COL15A1: variants seen among roughly 807,000 people sequenced by gnomAD.
COL15A1 encodes the protein collagen alpha-1(XV) chain.
In COL15A1, 111 loss-of-function variants were observed where a neutral mutation model predicts 165.9. The observed-to-expected ratio is 0.67, with a 90% CI of 0.57 to 0.78. The LOEUF is 0.78. COL15A1 is among the 30% of genes least tolerant of loss of function. The pLI is 0.00. For missense variants in COL15A1, 1,745 were observed against 1,789.7 expected (o/e 0.98, Z 0.45); for synonymous variants, 659 against 674.8 (o/e 0.98, Z 0.36).
At chr9:99,024,757 A>G in intron 14 of COL15A1, 117 bp from the exon 15 acceptor site, 1 of 1,242,760 alleles carries the variant, frequency 8.0e-7, no homozygotes. Flanking sequence ...GCTAAGTGGG[A>G]TCACCAAACC....
intron 1 of COL15A1, 42 bp from the exon 2 acceptor site, chr9:98,944,120 T>A: frequency 1.2e-6 from 2 of 1,614,030 alleles, no homozygotes; most frequent in Admixed American, 3.3e-5. Flanking sequence ...CCTCCAATAC[T>A]CTTGCCCGCC....
At position 99,015,983 on chromosome 9, in the gene COL15A1, G is replaced by T. The variant is rs2297603; in HGVS notation, c.1511G>T (p.Gly504Val). The T allele has an allele frequency of 0.1, 164,929 of 1,613,142 alleles. 9,533 individuals carry two copies. Among genetic ancestry groups the T allele is most frequent in the East Asian group, 0.19 (8,323 of 44,844 alleles). ...APERAVTSGP[G>V]DEEDLAAATT... ...TGCTGGTTTTGTTTTCAGGGTCCTG[G>T]TGATGAAGAAGACTTGGCAGCAGCC... The change falls in exon 11 of 42, where the codon GGT becomes GTT. Residue 504 changes from glycine (G) to valine (V), a missense_variant. By Grantham distance (109) the Gly-to-Val change is moderately radical (BLOSUM62 -3). Coordinates refer to ENST00000375001, the MANE Select transcript of COL15A1 (RefSeq NM_001855.5).
At chr9:98,970,037 G>A (rs1838020698) in intron 2 of COL15A1, among the ~76,000 whole-genome samples, 1 of 124,694 alleles carries the variant, frequency 8.0e-6, no homozygotes, top group South Asian at 2.6e-4. Flanking sequence ...AAGAGCATTA[G>A]TAGTTTAAAA....
intron 9 of COL15A1, among the ~76,000 whole-genome samples, chr9:99,008,649 T>C (rs1298961792): frequency 6.6e-6 from 1 of 152,194 alleles, no homozygotes; most frequent in African/African-American, 2.4e-5. Context: ...CTCTCTTGTC[T>C]CCCAGGCTGG....
At chr9:99,022,177 A>G in intron 13 of COL15A1, 27 bp downstream of exon 13, 1 of 1,614,062 alleles carries the variant, frequency 6.2e-7, no homozygotes, top group Non-Finnish European at 8.5e-7. Flanking sequence ...GGCTTGTCAC[A>G]CACACAGGTG....
intron 4 of COL15A1, among the ~76,000 whole-genome samples, chr9:98,988,155 TC>T (rs1477251401): frequency 6.6e-6 from 1 of 152,166 alleles, no homozygotes; most frequent in African/African-American, 2.4e-5. Context: ...GGCATCAACG[TC>T]ACAACAGAAC....
Position 99,027,043 on chromosome 9 carries a change from C to T in COL15A1, c.2043+1077C>T, listed in dbSNP as rs570722466. On this transcript the variant is annotated intron_variant, in intron 16 of 41. Coordinates refer to ENST00000375001, the MANE Select transcript of COL15A1 (RefSeq NM_001855.5). ...CTTCATTCTCTGTCTGTAAGCTGGT[C>T]CTGCCTCCTGTCTGCAAGCCTGTGC... Among the ~76,000 whole-genome samples the T allele has an allele frequency of 4.6e-5, 7 of 152,304 alleles. No homozygotes were observed. The South Asian group carries it at 8.3e-4, about 18-fold the overall frequency.
chr9:98,999,206 G>C lies in COL15A1; in HGVS notation c.953-1633G>C, dbSNP rs113267271. 2.0e-4 allele frequency among the ~76,000 whole-genome samples: 31 copies of C among 152,366 alleles called. 1 individual carries two copies. The highest frequency in any genetic ancestry group is 7.0e-4 in the African/African-American group (29 of 41,580). ...ACCATGGGACCTGCGTGAGCACAGC[G>C]TGTGTGGGAAGGGCCTGGCCCGGGG... On this transcript the variant is annotated intron_variant, in intron 6 of 41. Transcript: ENST00000375001.
At chr9:99,066,280 A>G (rs1588541951) in intron 39 of COL15A1, among the ~76,000 whole-genome samples, 1 of 152,238 alleles carries the variant, frequency 6.6e-6, no homozygotes, top group African/African-American at 2.4e-5. Flanking sequence ...CTGCTGACCA[A>G]GATAGCAGGG....
At chr9:99,038,114 A>G (rs1839335239) in intron 21 of COL15A1, among the ~76,000 whole-genome samples, 1 of 152,086 alleles carries the variant, frequency 6.6e-6, no homozygotes, top group East Asian at 1.9e-4. Context: ...GTTAGAAGAA[A>G]AAAAAAACAC....
intron 31 of COL15A1, among the ~76,000 whole-genome samples, chr9:99,053,335 C>A (rs1021737824): frequency 2.0e-5 from 3 of 152,240 alleles, no homozygotes. Context: ...CCAAGCCCAG[C>A]CTGTTTGCAA....
At chr9:98,950,880 G>C (rs1837676095) in intron 2 of COL15A1, among the ~76,000 whole-genome samples, 1 of 152,172 alleles carries the variant, frequency 6.6e-6, no homozygotes, top group Admixed American at 6.5e-5. Context: ...TGGGATTACA[G>C]GCGTGAGCCA....
At chr9:98,966,317 AG>A (rs1217083380) in intron 2 of COL15A1, among the ~76,000 whole-genome samples, 3 of 152,178 alleles carry the variant, frequency 2.0e-5, no homozygotes, top group African/African-American at 7.2e-5. Context: ...CCTATCATTC[AG>A]TGCTCCTCCC....
In COL15A1 at chr9:99,062,010, G is replaced by A. The variant is rs375797316; in HGVS notation, c.3442G>A (p.Ala1148Thr). 6.2e-6 allele frequency: 10 copies of A among 1,613,850 alleles called. No homozygotes were observed. In the African/African-American group the frequency reaches 1.3e-4, roughly 22 times the overall value. The change falls in exon 37 of 42, where the codon GCG (alanine) becomes ACG (threonine). Residue 1148 changes from alanine (A) to threonine (T), a missense_variant. Transcript: ENST00000375001. Reference protein sequence around the residue: ...FSNMDDMLQKAHLVIEGTFIY... With the variant: ...FSNMDDMLQKTHLVIEGTFIY... The stretch of plus-strand genomic sequence containing the variant: ...CAACATGGATGACATGCTGCAGAAA[G>A]CGCATTTGGTTATAGAAGGAACATT...
intron 23 of COL15A1, 37 bp downstream of exon 23, chr9:99,040,593 G>C: frequency 1.2e-6 from 2 of 1,614,152 alleles, no homozygotes; most frequent in Non-Finnish European, 1.7e-6. Context: ...TCTGTGCCCC[G>C]TGGCTGCGAT....
In COL15A1 at chr9:99,023,371, A is replaced by G. The variant is rs34844374; in HGVS notation, c.1776A>G (p.Ala592=). Reference sequence around the variant, plus strand: ...TCTCTTTCCAGGCAGGAGCAGAAGCAGAGGGCTCTGGCCTAGGCTGGGGCT... The same window carrying G: ...TCTCTTTCCAGGCAGGAGCAGAAGCGGAGGGCTCTGGCCTAGGCTGGGGCT... ...GPVGPTAGAE[A]EGSGLGWGSD... The change falls in exon 14 of 42, where the codon GCA becomes GCG. Residue 592 remains alanine (A), a synonymous_variant. Coordinates refer to ENST00000375001, the MANE Select transcript of COL15A1 (RefSeq NM_001855.5). 4 of 1,609,188 alleles carry G rather than the reference A, an allele frequency of 2.5e-6. No homozygotes were observed. The highest frequency in any genetic ancestry group is 3.4e-6 in the Non-Finnish European group (4 of 1,177,118).
intron 9 of COL15A1, among the ~76,000 whole-genome samples, chr9:99,013,920 G>A (rs938967568): frequency 1.3e-5 from 2 of 151,938 alleles, no homozygotes; most frequent in African/African-American, 4.8e-5. Context: ...AAAAGTAAAC[G>A]AAAGAAAAAA....
intron 14 of COL15A1, among the ~76,000 whole-genome samples, chr9:99,024,107 A>G (rs747076221): frequency 1.3e-4 from 20 of 151,596 alleles, no homozygotes; most frequent in Non-Finnish European, 2.2e-4. Context: ...CCCTCTGCCC[A>G]CTCCTCATGG....
chr9:98,997,075 A>C lies in COL15A1; in HGVS notation c.946A>C (p.Lys316Gln), dbSNP rs1838560942. The C allele has an allele frequency of 1.2e-6, 2 of 1,614,200 alleles. No homozygotes were observed. Among genetic ancestry groups the C allele is most frequent in the South Asian group, 1.1e-5 (1 of 91,078 alleles). ...GAGCATCATCCAGCACAGCAGCCCC[A>C]AACAAGGCAAGTCCGGATGCACATG... The part of the protein sequence containing the change: ...NMSIIQHSSP[K>Q]QGSGEILNDT... The change falls in exon 6 of 42, where the codon AAA becomes CAA. Residue 316 changes from lysine (K) to glutamine (Q), a missense_variant. Physicochemically the swap from Lys to Gln is moderately conservative, Grantham distance 53. Transcript: ENST00000375001.
Sources: gnomAD v4.1 joint callset for allele counts (sites outside exome capture counted in the v4.1 genomes callset) on GRCh38, gnomAD v4.1.1 for gene constraint, MANE v1.5 for transcripts, NCBI Gene and HGNC (gene_info 2026-07-23, HGNC 2026-07-21) for gene names.